Variants in DNAJC24 observed in about 807,000 individuals in gnomAD.
The protein encoded by DNAJC24 is DnaJ heat shock protein family (Hsp40) member C24.
A neutral mutation model predicts 18.0 loss-of-function variants in DNAJC24; 17 were observed. The observed-to-expected ratio is 0.94, with a 90% CI of 0.65 to 1.42. DNAJC24 has a LOEUF of 1.42. Among genes scored for constraint, DNAJC24 ranks in the 40% most tolerant of loss-of-function variants. The pLI, the probability that DNAJC24 is intolerant of heterozygous loss-of-function variation, is 0.00. For synonymous variants in DNAJC24, 55 were observed against 57.7 expected (o/e 0.95, Z 0.21); for missense variants, 158 against 175.6 (o/e 0.90, Z 0.57).
At chr11:31,390,178 C>G (rs916907116) in intron 2 of DNAJC24, among the ~76,000 whole-genome samples, 14 of 151,998 alleles carry the variant, frequency 9.2e-5, no homozygotes, top group African/African-American at 3.4e-4. Context: ...GGTGGATCAC[C>G]TGAGGTCAGG....
intron 2 of DNAJC24, among the ~76,000 whole-genome samples, chr11:31,396,845 C>T (rs1462211035): frequency 6.6e-6 from 1 of 152,126 alleles, no homozygotes; most frequent in Non-Finnish European, 1.5e-5. Flanking sequence ...CTCCCTTTTC[C>T]CTATCCAACC....
At chr11:31,387,306 G>A (rs1398869552) in intron 2 of DNAJC24, among the ~76,000 whole-genome samples, 6 of 152,156 alleles carry the variant, frequency 3.9e-5, no homozygotes, top group South Asian at 2.1e-4. Context: ...GAACCAGTGC[G>A]GTGGTGGCTT....
intron 2 of DNAJC24, among the ~76,000 whole-genome samples, chr11:31,399,675 G>A (rs1317759133): frequency 6.9e-6 from 1 of 145,096 alleles, no homozygotes; most frequent in Non-Finnish European, 1.5e-5. Flanking sequence ...GCCTCCCAAA[G>A]TGCTGGGGTT....
chr11:31,414,742 A>C, intron 2 of DNAJC24, 69 bp from the exon 3 acceptor site: 3 of 1,481,332 alleles, frequency 2.0e-6, no homozygotes. Flanking sequence ...TCAGATTTAC[A>C]ATTTTTTTAA....
intron 2 of DNAJC24, among the ~76,000 whole-genome samples, chr11:31,387,485 A>G (rs951340245): frequency 7.9e-5 from 12 of 152,140 alleles, no homozygotes; most frequent in African/African-American, 2.9e-4. Context: ...CCCAGATCTT[A>G]CCCAAGATCA....
intron 2 of DNAJC24, among the ~76,000 whole-genome samples, chr11:31,387,533 C>G (rs2133475260): frequency 6.6e-6 from 1 of 152,308 alleles, no homozygotes; most frequent in African/African-American, 2.4e-5. Context: ...AGAGCCACAG[C>G]ATTACTGGGC....
chr11:31,403,155 G>GTGTGTA (rs1952619166), intron 2 of DNAJC24, among the ~76,000 whole-genome samples: 1 of 151,442 alleles, frequency 6.6e-6, no homozygotes, highest in African/African-American at 2.4e-5. Context: ...GTGTGTGTGT[G>GTGTGTA]TGTGTATCAT....
At chr11:31,419,683 T>C (rs1198946564) in intron 3 of DNAJC24, among the ~76,000 whole-genome samples, 1 of 152,010 alleles carries the variant, frequency 6.6e-6, no homozygotes, top group Non-Finnish European at 1.5e-5. Context: ...CTCCCAACTT[T>C]CCACTTGGTT....
chr11:31,405,262 G>A (rs954551692), intron 2 of DNAJC24, among the ~76,000 whole-genome samples: 8 of 151,876 alleles, frequency 5.3e-5, no homozygotes, highest in Admixed American at 5.2e-4. Flanking sequence ...TAGAGGTGGG[G>A]TTTCTCCATG....
chr11:31,407,695 A>AT (rs1167561690), intron 2 of DNAJC24, among the ~76,000 whole-genome samples: 5 of 119,676 alleles, frequency 4.2e-5, no homozygotes, highest in African/African-American at 9.8e-5. Flanking sequence ...AAAAAAAAAA[A>AT]AAAAAAAAAA....
At chr11:31,401,534 C>T (rs532677372) in intron 2 of DNAJC24, among the ~76,000 whole-genome samples, 13 of 151,970 alleles carry the variant, frequency 8.6e-5, no homozygotes, top group South Asian at 2.1e-4. Flanking sequence ...GCTTCCCCTC[C>T]GCCCCCCCAC....
chr11:31,386,677 A>G (rs930272786), intron 2 of DNAJC24, among the ~76,000 whole-genome samples: 1 of 152,012 alleles, frequency 6.6e-6, no homozygotes, highest in Non-Finnish European at 1.5e-5. Context: ...ATTTTCAGCT[A>G]TGGTGGCCAT....
intron 2 of DNAJC24, chr11:31,374,020 C>A: frequency 3.2e-6 from 1 of 312,236 alleles, no homozygotes; most frequent in Non-Finnish European, 6.8e-6. Context: ...TCTGCCAACA[C>A]AATTATGTCA....
chr11:31,414,116 C>T, intron 2 of DNAJC24, among the ~76,000 whole-genome samples: 1 of 152,248 alleles, frequency 6.6e-6, no homozygotes, highest in East Asian at 1.9e-4. Flanking sequence ...AAATAAATTA[C>T]TGCATATTGA....
chr11:31,426,842 G>T (rs1365808163), intron 4 of DNAJC24: 5 of 141,532 alleles, frequency 3.5e-5, no homozygotes, highest in Non-Finnish European at 6.0e-5. Context: ...CTCACATACT[G>T]ATTGTCTTAT....
intron 2 of DNAJC24, among the ~76,000 whole-genome samples, 176 bp downstream of exon 2, chr11:31,371,035 C>A (rs1006032372): frequency 6.6e-6 from 1 of 152,108 alleles, no homozygotes; most frequent in African/African-American, 2.4e-5. Flanking sequence ...GGTGGAAAAG[C>A]ATGGTTAGGA....
At position 31,415,991 on chromosome 11, in the gene DNAJC24, A is replaced by T. The variant is rs80121704; in HGVS notation, c.250+1042A>T. On this transcript the variant is annotated intron_variant, in intron 3 of 4. Coordinates refer to ENST00000465995, the MANE Select transcript of DNAJC24 (RefSeq NM_181706.5). Reference sequence around the variant, plus strand: ...TTTATTTTCAGAGGGATTTCTACCAAGAAAATTAAGGTTTCTTATAGGCTG... The same window carrying T: ...TTTATTTTCAGAGGGATTTCTACCATGAAAATTAAGGTTTCTTATAGGCTG... 172 of 152,338 alleles carry T rather than the reference A, an allele frequency of 1.1e-3. 2 individuals carry two copies. Among genetic ancestry groups the T allele is most frequent in the African/African-American group, 3.8e-3 (160 of 41,578 alleles). The allele number at this position is 152,338 out of a possible 1,614,324, so 9.4% of individuals were successfully genotyped here.
intron 4 of DNAJC24, 123 bp from the exon 5 acceptor site, chr11:31,430,148 A>G: frequency 1.2e-6 from 1 of 842,202 alleles, no homozygotes. Context: ...AATACATTTT[A>G]TCTTTACTGA....
At chr11:31,410,169 C>T (rs910963278) in intron 2 of DNAJC24, among the ~76,000 whole-genome samples, 8 of 152,142 alleles carry the variant, frequency 5.3e-5, no homozygotes, top group Admixed American at 3.3e-4. Context: ...AGGCATGAGC[C>T]ACCACCACAC....
Sources: gnomAD v4.1 joint callset for allele counts (sites outside exome capture counted in the v4.1 genomes callset) on GRCh38, gnomAD v4.1.1 for gene constraint, MANE v1.5 for transcripts, NCBI Gene and HGNC (gene_info 2026-07-23, HGNC 2026-07-21) for gene names.